Variants in PKD1L1 observed in about 807,000 individuals in gnomAD.
PKD1L1 encodes the protein polycystin-1-like protein 1.
A neutral mutation model predicts 323.4 loss-of-function variants in PKD1L1; 236 were observed. That is an observed-to-expected ratio of 0.73 (90% CI 0.66 to 0.81). The LOEUF (loss-of-function observed/expected upper bound fraction) is 0.81, where lower values mean the gene tolerates loss of function less well. Ranked by LOEUF, PKD1L1 falls within the 40% of genes least tolerant of loss-of-function variation. PKD1L1 has a pLI of 0.00. For missense variants in PKD1L1, 3,320 were observed against 3,508.0 expected (o/e 0.95, Z 1.35); for synonymous variants, 1,344 against 1,335.0 (o/e 1.01, Z -0.15).
At chr7:47,843,322 C>T (rs570923807) in intron 33 of PKD1L1, among the ~76,000 whole-genome samples, 153 bp from the exon 34 acceptor site, 1 of 152,250 alleles carries the variant, frequency 6.6e-6, no homozygotes, top group East Asian at 1.9e-4. Flanking sequence ...GTTAGAAGGG[C>T]TTTGAAGGCA....
At position 47,946,973 on chromosome 7, in the gene PKD1L1, G is replaced by A. The variant is rs919107023; in HGVS notation, c.44+1424C>T. The stretch of plus-strand genomic sequence containing the variant: ...TCTAAGGGCAAAGGGGTAATTCCTT[G>A]CAATTCCCTGACTGATAAGAGTGAA... On this transcript the variant is annotated intron_variant, in intron 1 of 56. Transcript: ENST00000289672. This position sits in a 1 kb window ranked among gnomAD's most constrained non-coding sequence, Gnocchi z 4.1. Among the ~76,000 whole-genome samples, 1 of 152,176 alleles carries A rather than the reference G, an allele frequency of 6.6e-6. No homozygotes were observed. Among genetic ancestry groups the A allele is most frequent in the Non-Finnish European group, 1.5e-5 (1 of 68,030 alleles).
chr7:47,796,822 C>T (rs1284199560), intron 54 of PKD1L1, among the ~76,000 whole-genome samples: 1 of 70,982 alleles, frequency 1.4e-5, no homozygotes, highest in Non-Finnish European at 2.8e-5. Flanking sequence ...CCTGTCTCTC[C>T]TAAATTACAA....
At chr7:47,920,269 C>CA (rs1445016193) in intron 7 of PKD1L1, among the ~76,000 whole-genome samples, 27 of 108,830 alleles carry the variant, frequency 2.5e-4, no homozygotes, top group African/African-American at 8.6e-4. Context: ...AAAACAGCTG[C>CA]AAAAAAAACC....
chr7:47,918,838 C>T lies in PKD1L1; in HGVS notation c.1061-3239G>A, dbSNP rs1169061676. 5.9e-5 allele frequency among the ~76,000 whole-genome samples: 9 copies of T among 152,088 alleles called. No homozygotes were observed. In the South Asian group the frequency reaches 1.0e-3, roughly 18 times the overall value. On this transcript the variant is annotated intron_variant, in intron 7 of 56. Coordinates refer to ENST00000289672, the MANE Select transcript of PKD1L1 (RefSeq NM_138295.5). ...AAACTGAACCACAATAGTGACACAA[C>T]GTATCAAAACCTCTGGGACACAGCA...
intron 8 of PKD1L1, among the ~76,000 whole-genome samples, chr7:47,911,701 G>A (rs991640521): frequency 1.1e-4 from 17 of 152,076 alleles, no homozygotes; most frequent in African/African-American, 4.1e-4. Flanking sequence ...CAAAATAGAC[G>A]CAAAAACTGC....
chr7:47,792,554 A>T (rs931520332), intron 56 of PKD1L1, 73 bp downstream of exon 56: 5 of 1,429,282 alleles, frequency 3.5e-6, no homozygotes, highest in Non-Finnish European at 4.8e-6. Flanking sequence ...TGGAAAAACA[A>T]CTATTCCAAA....
intron 22 of PKD1L1, among the ~76,000 whole-genome samples, chr7:47,877,174 T>C (rs1786424998): frequency 6.6e-6 from 1 of 152,042 alleles, no homozygotes; most frequent in Non-Finnish European, 1.5e-5. Context: ...CGTGCCTGCC[T>C]TTTTCTTGGG....
chr7:47,917,330 G>T (rs1342998695), intron 7 of PKD1L1, among the ~76,000 whole-genome samples: 1 of 152,072 alleles, frequency 6.6e-6, no homozygotes, highest in Non-Finnish European at 1.5e-5. Flanking sequence ...CTGGGATTAT[G>T]TTAAATGACC....
At chr7:47,786,898 G>A (rs1048434191) in intron 56 of PKD1L1, among the ~76,000 whole-genome samples, 18 of 152,182 alleles carry the variant, frequency 1.2e-4, no homozygotes, top group African/African-American at 3.9e-4. Context: ...TAAGGGGGCC[G>A]AGCTGGCAAG....
At chr7:47,800,524 G>C (rs1784636876) in intron 54 of PKD1L1, 125 bp downstream of exon 54, 1 of 970,012 alleles carries the variant, frequency 1.0e-6, no homozygotes, top group Non-Finnish European at 1.6e-6. Flanking sequence ...TGGACGGCAG[G>C]GATTCATTAC....
At chr7:47,836,155 G>C (rs1181839161) in intron 37 of PKD1L1, among the ~76,000 whole-genome samples, 2 of 152,106 alleles carry the variant, frequency 1.3e-5, no homozygotes, top group East Asian at 3.9e-4. Context: ...TCTGTGCGCT[G>C]TTATTTTTTT....
At chr7:47,868,012 G>C (rs1003571383) in intron 24 of PKD1L1, among the ~76,000 whole-genome samples, 1 of 152,180 alleles carries the variant, frequency 6.6e-6, no homozygotes, top group African/African-American at 2.4e-5. Context: ...AAAAGCCATT[G>C]CATAAAGACA....
In PKD1L1 at chr7:47,946,059, C is replaced by A. The variant is rs913352781; in HGVS notation, c.44+2338G>T. Among the ~76,000 whole-genome samples, 4 of 152,068 alleles carry A rather than the reference C, an allele frequency of 2.6e-5. No individual in the cohort carries two copies. The highest frequency in any genetic ancestry group is 2.0e-4 in the Admixed American group (3 of 15,256). ...GGAGATAATTTAAATACAAGGGAGG[C>A]TCTTTTTCCTGGTGTTGTGAGGAGG... On this transcript the variant is annotated intron_variant, in intron 1 of 56. Transcript: ENST00000289672. This position sits in a 1 kb window ranked among gnomAD's most constrained non-coding sequence, Gnocchi z 4.1.
chr7:47,775,006 G>A lies in PKD1L1; in HGVS notation c.*137C>T, dbSNP rs566376149. 2.8e-5 allele frequency: 24 copies of A among 869,686 alleles called. No homozygotes were observed. Among genetic ancestry groups the A allele is most frequent in the African/African-American group, 1.2e-4 (7 of 58,486 alleles). 53.9% of individuals were successfully genotyped at this position (869,686 alleles called of 1,614,324 possible). A position where few individuals can be genotyped will look rare whatever the true frequency, so the allele number is the denominator to read the frequency against. Reference sequence around the variant, plus strand: ...TCCTGGTTTCCCATTTACTTGTTACGTGAACTGGAAAAATTAACAAAACTT... The same window carrying A: ...TCCTGGTTTCCCATTTACTTGTTACATGAACTGGAAAAATTAACAAAACTT... On this transcript the variant is annotated 3_prime_UTR_variant, in exon 57 of 57. Transcript: ENST00000289672.
intron 7 of PKD1L1, among the ~76,000 whole-genome samples, chr7:47,920,310 A>AAAC (rs869261414): frequency 6.7e-6 from 1 of 150,364 alleles, no homozygotes; most frequent in Admixed American, 6.6e-5. Flanking sequence ...AAAAAAAAAA[A>AAAC]CCACTTAGGA....
At chr7:47,823,267 G>C (rs1454450878) in intron 45 of PKD1L1, among the ~76,000 whole-genome samples, 1 of 152,114 alleles carries the variant, frequency 6.6e-6, no homozygotes, top group Non-Finnish European at 1.5e-5. Flanking sequence ...TTTGCTGAGA[G>C]GTTCTTTTTT....
At chr7:47,930,958 T>C in intron 6 of PKD1L1, 146 bp downstream of exon 6, 1 of 858,510 alleles carries the variant, frequency 1.2e-6, no homozygotes. Context: ...GTCTACAGCA[T>C]TGTAACTTGA....
upstream of PKD1L1, among the ~76,000 whole-genome samples, chr7:47,950,438 T>TG (rs1788187679): frequency 6.6e-6 from 1 of 152,186 alleles, no homozygotes; most frequent in South Asian, 2.1e-4. Flanking sequence ...CTGCCCTACG[T>TG]GGGAGGCACT....
chr7:47,886,139 GC>G (rs1786679831), intron 17 of PKD1L1, 85 bp from the exon 18 acceptor site: 1 of 1,472,800 alleles, frequency 6.8e-7, no homozygotes. Flanking sequence ...ATGTAAGGAT[GC>G]TATATTATAA....
Sources: gnomAD v4.1 joint callset for allele counts (sites outside exome capture counted in the v4.1 genomes callset) on GRCh38, gnomAD v4.1.1 for gene constraint, Gnocchi (gnomAD v3.1) non-coding constraint, MANE v1.5 for transcripts, NCBI Gene and HGNC (gene_info 2026-07-23, HGNC 2026-07-21) for gene names.